Variants in RABGAP1L observed in about 807,000 individuals in gnomAD.
RABGAP1L encodes the protein rab GTPase-activating protein 1-like.
A neutral mutation model predicts 137.7 loss-of-function variants in RABGAP1L; 63 were observed. The observed-to-expected ratio is 0.46, with a 90% CI of 0.37 to 0.56. The LOEUF is 0.56. Among genes scored for constraint, RABGAP1L ranks in the 20% least tolerant of loss-of-function variants. The probability of loss-of-function intolerance (pLI) is 0.00; values close to 1 mark genes in which losing one functional copy is unlikely to be tolerated. For missense variants in RABGAP1L, 1,095 were observed against 1,244.0 expected (o/e 0.88, Z 1.80); for synonymous variants, 431 against 433.7 (o/e 0.99, Z 0.08).
At chr1:174,498,527 C>T (rs1345909270) in intron 13 of RABGAP1L, among the ~76,000 whole-genome samples, 1 of 151,700 alleles carries the variant, frequency 6.6e-6, no homozygotes, top group Non-Finnish European at 1.5e-5. Flanking sequence ...GAGAGTTTTG[C>T]TTTGTTGCCC....
At chr1:174,554,873 C>T (rs1666777628) in intron 13 of RABGAP1L, among the ~76,000 whole-genome samples, 1 of 152,094 alleles carries the variant, frequency 6.6e-6, no homozygotes, top group Non-Finnish European at 1.5e-5. Flanking sequence ...CTTAATAACA[C>T]TTGAGGTAAT....
intron 13 of RABGAP1L, among the ~76,000 whole-genome samples, chr1:174,407,463 C>G (rs1164833145): frequency 6.6e-6 from 1 of 152,094 alleles, no homozygotes; most frequent in Non-Finnish European, 1.5e-5. Context: ...TTTACTCCCC[C>G]CAGATCTAAC....
rs1389816629 is a variant in RABGAP1L at position 174,347,499 on chromosome 1, G to GTT, written c.1466-23474_1466-23473dup. ...TGTGTGTGTGTGTGTGTGTGTGTGT[G>GTT]TTTTTTTCTTTGAGACTGAGTCTTG... is the stretch of plus-strand genomic sequence containing the variant. On this transcript the variant is annotated intron_variant, in intron 11 of 25. Coordinates refer to ENST00000681986, the MANE Select transcript of RABGAP1L (RefSeq NM_001366446.1). 2.8e-3 allele frequency among the ~76,000 whole-genome samples: 363 copies of GTT among 130,944 alleles called. 35 individuals are homozygous for GTT. Among genetic ancestry groups the GTT allele is most frequent in the South Asian group, 9.1e-3 (37 of 4,048 alleles). 85.9% of individuals were successfully genotyped at this position (130,944 alleles called of 152,430 possible). A position where few individuals can be genotyped will look rare whatever the true frequency, so the allele number is the denominator to read the frequency against.
chr1:174,725,785 G>C (rs1476290185), intron 17 of RABGAP1L, among the ~76,000 whole-genome samples: 1 of 151,982 alleles, frequency 6.6e-6, no homozygotes, highest in Non-Finnish European at 1.5e-5. Flanking sequence ...TGTGTTCTGG[G>C]ACAGTGTTTA....
At chr1:174,375,228 A>G (rs1685423898) in intron 12 of RABGAP1L, among the ~76,000 whole-genome samples, 1 of 151,978 alleles carries the variant, frequency 6.6e-6, no homozygotes, top group Non-Finnish European at 1.5e-5. Flanking sequence ...TTGCCTTTGC[A>G]TGCTCTTATT....
At chr1:174,204,923 C>G (rs966873913) in intron 1 of RABGAP1L, among the ~76,000 whole-genome samples, 2 of 152,298 alleles carry the variant, frequency 1.3e-5, no homozygotes, top group Admixed American at 6.5e-5. Flanking sequence ...GCCTACCAGC[C>G]ATGCTTTCTG....
intron 19 of RABGAP1L, among the ~76,000 whole-genome samples, chr1:174,824,702 C>G (rs1465220115): frequency 6.6e-6 from 1 of 152,104 alleles, no homozygotes; most frequent in Non-Finnish European, 1.5e-5. Flanking sequence ...TTCTCCAACT[C>G]AGATCCATTT....
At chr1:174,358,884 A>G (rs1683891275) in intron 11 of RABGAP1L, among the ~76,000 whole-genome samples, 1 of 152,224 alleles carries the variant, frequency 6.6e-6, no homozygotes, top group Non-Finnish European at 1.5e-5. Flanking sequence ...AAAAGTGGCC[A>G]CTACTATCAC....
chr1:174,203,937 G>GA (rs1668314322), intron 1 of RABGAP1L, among the ~76,000 whole-genome samples: 1 of 119,004 alleles, frequency 8.4e-6, no homozygotes, highest in East Asian at 2.6e-4. Flanking sequence ...TTTGTACATT[G>GA]ATTTTTTTTT....
At chr1:174,289,183 A>G (rs974690862) in intron 10 of RABGAP1L, among the ~76,000 whole-genome samples, 6 of 152,220 alleles carry the variant, frequency 3.9e-5, no homozygotes, top group Admixed American at 2.6e-4. Flanking sequence ...AAAAACAGGC[A>G]TGGGCCACCA....
At chr1:174,340,436 T>C (rs1006212085) in intron 11 of RABGAP1L, among the ~76,000 whole-genome samples, 2 of 152,040 alleles carry the variant, frequency 1.3e-5, no homozygotes, top group Non-Finnish European at 2.9e-5. Context: ...CCTTCCCCAC[T>C]CCCCAGACAG....
At chr1:174,328,223 T>C (rs1680721316) in intron 11 of RABGAP1L, among the ~76,000 whole-genome samples, 1 of 151,834 alleles carries the variant, frequency 6.6e-6, no homozygotes, top group Non-Finnish European at 1.5e-5. Context: ...TAGAACATTC[T>C]GTCCAACAGC....
intron 11 of RABGAP1L, among the ~76,000 whole-genome samples, chr1:174,329,050 A>AAC (rs397976738): frequency 5.3e-5 from 8 of 151,106 alleles, no homozygotes; most frequent in African/African-American, 1.9e-4. Context: ...AAAAAAAAAA[A>AAC]CCCAGGAAAC....
intron 13 of RABGAP1L, among the ~76,000 whole-genome samples, chr1:174,636,654 C>T (rs1297373732): frequency 6.6e-6 from 1 of 151,854 alleles, no homozygotes; most frequent in Non-Finnish European, 1.5e-5. Context: ...TGACCATGGT[C>T]TGAGTTTTTA....
At chr1:174,198,965 G>A (rs1048702048) in intron 1 of RABGAP1L, among the ~76,000 whole-genome samples, 4 of 152,070 alleles carry the variant, frequency 2.6e-5, no homozygotes, top group Non-Finnish European at 4.4e-5. Flanking sequence ...AAAATTAGCC[G>A]GGCGTGGTGG....
At chr1:174,628,384 C>T (rs549615134) in intron 13 of RABGAP1L, among the ~76,000 whole-genome samples, 9 of 151,776 alleles carry the variant, frequency 5.9e-5, no homozygotes, top group South Asian at 2.1e-4. Context: ...GTATATTCAC[C>T]GAAAATTTTA....
At chr1:174,870,008 G>C (rs1049948162) in intron 19 of RABGAP1L, among the ~76,000 whole-genome samples, 3 of 152,184 alleles carry the variant, frequency 2.0e-5, no homozygotes, top group African/African-American at 7.2e-5. Flanking sequence ...AACAGACTAA[G>C]ACAGTCACAT....
chr1:174,923,890 A>G (rs974017356), intron 19 of RABGAP1L, among the ~76,000 whole-genome samples: 4 of 151,856 alleles, frequency 2.6e-5, no homozygotes, highest in Admixed American at 1.3e-4. Context: ...AAAAAAAAAA[A>G]AAAAAGAAAA....
At chr1:174,840,815 C>T (rs1308359323) in intron 19 of RABGAP1L, among the ~76,000 whole-genome samples, 1 of 71,960 alleles carries the variant, frequency 1.4e-5, no homozygotes, top group Non-Finnish European at 3.0e-5. Context: ...GAATCTGTCT[C>T]AAAAAAAAAA....
Sources: gnomAD v4.1 joint callset for allele counts (sites outside exome capture counted in the v4.1 genomes callset) on GRCh38, gnomAD v4.1.1 for gene constraint, MANE v1.5 for transcripts, NCBI Gene and HGNC (gene_info 2026-07-23, HGNC 2026-07-21) for gene names.